TMEM132C: variants seen among roughly 807,000 people sequenced by gnomAD.
The protein encoded by TMEM132C is protein phosphatase 1, regulatory subunit 152.
In TMEM132C, 29 loss-of-function variants were observed where a neutral mutation model predicts 61.4. That is an observed-to-expected ratio of 0.47 (90% CI 0.35 to 0.64). TMEM132C has a LOEUF of 0.64. TMEM132C is among the 30% of genes least tolerant of loss of function. The pLI is 0.00. For missense variants in TMEM132C, 1,408 were observed against 1,476.9 expected, an observed-to-expected ratio of 0.95 and a Z score of 0.76; for synonymous variants, 656 against 633.1, an observed-to-expected ratio of 1.04 and a Z score of -0.54.
At chr12:128,492,405 A>G (rs1871771413) in intron 2 of TMEM132C, among the ~76,000 whole-genome samples, 1 of 152,184 alleles carries the variant, frequency 6.6e-6, no homozygotes, top group Non-Finnish European at 1.5e-5. Flanking sequence ...TTCTAGTTCT[A>G]GATCCCTGAG....
intron 3 of TMEM132C, among the ~76,000 whole-genome samples, chr12:128,601,135 G>A (rs1876172399): frequency 6.6e-6 from 1 of 152,166 alleles, no homozygotes; most frequent in East Asian, 1.9e-4. Flanking sequence ...TTTCCTGGAA[G>A]GTCTCCAATG....
intron 6 of TMEM132C, 29 bp downstream of exon 6, chr12:128,694,063 A>G (rs183224911): frequency 1.3e-6 from 2 of 1,547,758 alleles, no homozygotes; most frequent in Non-Finnish European, 1.7e-6. Flanking sequence ...GATGCCCTAG[A>G]GCCAAAACAA....
intron 2 of TMEM132C, among the ~76,000 whole-genome samples, chr12:128,417,596 C>T (rs1223562876): frequency 6.6e-6 from 1 of 152,130 alleles, no homozygotes; most frequent in Non-Finnish European, 1.5e-5. Context: ...CTCTGTGTGC[C>T]TCAGTTTCCT....
At chr12:128,586,773 C>T (rs1875563684) in intron 3 of TMEM132C, among the ~76,000 whole-genome samples, 1 of 152,226 alleles carries the variant, frequency 6.6e-6, no homozygotes, top group African/African-American at 2.4e-5. Flanking sequence ...TCATCCTTGC[C>T]TCATCCCTGA....
At chr12:128,467,068 G>C (rs930424417) in intron 2 of TMEM132C, among the ~76,000 whole-genome samples, 2 of 152,196 alleles carry the variant, frequency 1.3e-5, no homozygotes, top group Non-Finnish European at 2.9e-5. Flanking sequence ...TGGAAGGTCA[G>C]GCAGGGACAG....
chr12:128,292,799 AGAACTGTGGATCAT>A lies in TMEM132C; in HGVS notation c.85+25315_85+25328del, dbSNP rs146179173. Among the ~76,000 whole-genome samples the A allele has an allele frequency of 3.8e-3, 560 of 149,316 alleles. 3 individuals carry two copies. The highest frequency in any genetic ancestry group is 0.013 in the African/African-American group (540 of 40,598). ...ATAAGTGTCTGTTAAGTGTACAATAAGAACTGTGGATCATGACACAGTGGAATTAACTTGATAGA... is the reference window on the plus strand; with the variant it reads ...ATAAGTGTCTGTTAAGTGTACAATAAGACACAGTGGAATTAACTTGATAGA... On this transcript the variant is annotated intron_variant, in intron 1 of 8. Transcript: ENST00000435159.
chr12:128,526,712 C>T (rs1449437800), intron 2 of TMEM132C, among the ~76,000 whole-genome samples: 1 of 152,102 alleles, frequency 6.6e-6, no homozygotes, highest in Non-Finnish European at 1.5e-5. Context: ...ATGAGCCTCC[C>T]TAAGGTGGGA....
intron 4 of TMEM132C, among the ~76,000 whole-genome samples, chr12:128,665,040 C>A (rs1398526911): frequency 6.6e-6 from 1 of 150,890 alleles, no homozygotes; most frequent in African/African-American, 2.4e-5. Flanking sequence ...AACTCACACT[C>A]ATACATATAC....
intron 1 of TMEM132C, among the ~76,000 whole-genome samples, chr12:128,393,401 T>A (rs561786237): frequency 1.3e-5 from 2 of 152,330 alleles, no homozygotes; most frequent in Non-Finnish European, 2.9e-5. Context: ...TCTTGAATCC[T>A]TGCTGAAAGG....
At chr12:128,462,712 C>A (rs1870579488) in intron 2 of TMEM132C, among the ~76,000 whole-genome samples, 1 of 152,126 alleles carries the variant, frequency 6.6e-6, no homozygotes, top group Non-Finnish European at 1.5e-5. Flanking sequence ...GTAGGGGGAG[C>A]AAAAATGTCC....
chr12:128,614,991 G>A (rs567766349), intron 3 of TMEM132C, among the ~76,000 whole-genome samples: 1 of 152,296 alleles, frequency 6.6e-6, no homozygotes, highest in South Asian at 2.1e-4. Flanking sequence ...GCTGCCCCAG[G>A]AGAACCAGGG....
intron 1 of TMEM132C, among the ~76,000 whole-genome samples, chr12:128,378,921 A>G (rs1041826312): frequency 4.6e-5 from 7 of 152,136 alleles, no homozygotes; most frequent in Non-Finnish European, 8.8e-5. Flanking sequence ...ATGATTTTAT[A>G]AGGAGCTTTT....
intron 2 of TMEM132C, among the ~76,000 whole-genome samples, chr12:128,484,983 GGAAGGAAGGAAGGAGC>G (rs1185735290): frequency 6.6e-6 from 1 of 151,936 alleles, no homozygotes; most frequent in Non-Finnish European, 1.5e-5. Flanking sequence ...AGGGAAGGAG[GGAAGGAAGGAAGGAGC>G]GAAGGAAGGA....
At chr12:128,527,443 C>T (rs146392274) in intron 2 of TMEM132C, among the ~76,000 whole-genome samples, 7 of 152,314 alleles carry the variant, frequency 4.6e-5, no homozygotes, top group Admixed American at 6.5e-5. Context: ...AGGGCAGCTG[C>T]GCTGAAGTCA....
chr12:128,604,390 GATAA>G (rs199929495), intron 3 of TMEM132C, among the ~76,000 whole-genome samples: 3,350 of 146,728 alleles, frequency 0.023, 125 homozygotes, highest in African/African-American at 0.08. Context: ...TGGCTAGATA[GATAA>G]ATAATGGATG....
At chr12:128,529,709 C>A (rs1448126306) in intron 2 of TMEM132C, among the ~76,000 whole-genome samples, 1 of 152,126 alleles carries the variant, frequency 6.6e-6, no homozygotes, top group Non-Finnish European at 1.5e-5. Context: ...TTGCTTGAAC[C>A]TGGGAGGTGG....
intron 1 of TMEM132C, among the ~76,000 whole-genome samples, chr12:128,350,900 T>C (rs1873317748): frequency 6.6e-6 from 1 of 152,066 alleles, no homozygotes; most frequent in African/African-American, 2.4e-5. Context: ...ACCTTAAAGG[T>C]AGGGGCATTG....
chr12:128,398,791 G>GAAC (rs1875049926), intron 1 of TMEM132C, among the ~76,000 whole-genome samples: 1 of 149,738 alleles, frequency 6.7e-6, no homozygotes, highest in Non-Finnish European at 1.5e-5. Context: ...GACCAACAGG[G>GAAC]TGTTGAGTGA....
chr12:128,589,945 AC>A (rs1174072582), intron 3 of TMEM132C, among the ~76,000 whole-genome samples: 1 of 151,862 alleles, frequency 6.6e-6, no homozygotes, highest in Non-Finnish European at 1.5e-5. Context: ...CGTTGTTGTT[AC>A]GTTTGAAGCA....
Sources: allele counts gnomAD v4.1 joint callset (sites outside exome capture counted in the v4.1 genomes callset), GRCh38; gene constraint gnomAD v4.1.1; transcripts MANE v1.5; gene names NCBI Gene and HGNC (gene_info 2026-07-23, HGNC 2026-07-21).